CA10: variants seen among roughly 807,000 people sequenced by gnomAD.
The protein encoded by CA10 is carbonic anhydrase 10 (inactive).
In CA10, 14 loss-of-function variants were observed where a neutral mutation model predicts 44.2. That is an observed-to-expected ratio of 0.32 (90% CI 0.21 to 0.50). CA10 has a LOEUF of 0.50. Among genes scored for constraint, CA10 ranks in the 20% least tolerant of loss-of-function variants. The probability of loss-of-function intolerance (pLI) is 0.99; values close to 1 mark genes in which losing one functional copy is unlikely to be tolerated. For synonymous variants in CA10, 159 were observed against 141.6 expected (o/e 1.12, Z -0.87); for missense variants, 350 against 409.7 (o/e 0.85, Z 1.26).
chr17:51,802,565 G>GA (rs754344655), intron 3 of CA10, among the ~76,000 whole-genome samples: 7,771 of 90,364 alleles, frequency 0.086, 915 homozygotes, highest in African/African-American at 0.29. Flanking sequence ...CCTGATGTCT[G>GA]AAAAAAAAAA....
intron 4 of CA10, among the ~76,000 whole-genome samples, chr17:51,681,278 C>T (rs1914836495): frequency 1.3e-5 from 2 of 152,168 alleles, no homozygotes; most frequent in South Asian, 4.1e-4. Context: ...ATATTGGGGC[C>T]CTCAGGGGTG....
At chr17:52,053,399 G>C (rs1418839919) in intron 2 of CA10, among the ~76,000 whole-genome samples, 2 of 151,598 alleles carry the variant, frequency 1.3e-5, no homozygotes, top group African/African-American at 4.8e-5. Flanking sequence ...AACAAAGAAA[G>C]GTAACATAAA....
intron 3 of CA10, among the ~76,000 whole-genome samples, chr17:51,839,102 C>G (rs1978298318): frequency 6.6e-6 from 1 of 152,158 alleles, no homozygotes; most frequent in South Asian, 2.1e-4. Flanking sequence ...TGGTTTCCAT[C>G]CTTAGTCAAT....
At chr17:51,862,088 A>G (rs1043386530) in intron 3 of CA10, among the ~76,000 whole-genome samples, 3 of 152,202 alleles carry the variant, frequency 2.0e-5, no homozygotes, top group African/African-American at 7.2e-5. Flanking sequence ...TAATGCCATT[A>G]ATGTTTGCCT....
chr17:51,809,667 A>C (rs919017200), intron 3 of CA10, among the ~76,000 whole-genome samples: 2 of 152,156 alleles, frequency 1.3e-5, no homozygotes, highest in Non-Finnish European at 1.5e-5. Context: ...TTCCTGAACA[A>C]TGGAGGACCT....
At chr17:51,752,945 T>A (rs1904942796) in intron 3 of CA10, among the ~76,000 whole-genome samples, 1 of 151,584 alleles carries the variant, frequency 6.6e-6, no homozygotes, top group African/African-American at 2.4e-5. Context: ...ATAAATAAAA[T>A]AAAAAACAAG....
chr17:51,639,416 A>C (rs1912982408), intron 6 of CA10, among the ~76,000 whole-genome samples: 1 of 152,252 alleles, frequency 6.6e-6, no homozygotes, highest in Non-Finnish European at 1.5e-5. Context: ...TTTGTGCTGC[A>C]GCTATATTTG....
intron 3 of CA10, among the ~76,000 whole-genome samples, chr17:51,801,949 T>C (rs73354979): frequency 0.047 from 7,186 of 152,274 alleles, 418 homozygotes; most frequent in African/African-American, 0.14. Context: ...AGACCCCAAC[T>C]GAAGAAGCTT....
chr17:51,887,490 A>T (rs527766784), intron 3 of CA10, among the ~76,000 whole-genome samples: 1 of 152,308 alleles, frequency 6.6e-6, no homozygotes, highest in East Asian at 1.9e-4. Flanking sequence ...ACAGAGTTAT[A>T]TTATGGGAAC....
At chr17:52,135,040 CTGA>C in intron 1 of CA10, 1 of 498,402 alleles carries the variant, frequency 2.0e-6, no homozygotes, top group African/African-American at 1.9e-5. Context: ...GACTGCCCTC[CTGA>C]GGTCGCCTGT....
chr17:51,756,273 G>A (rs1354738710), intron 3 of CA10, among the ~76,000 whole-genome samples: 1 of 152,074 alleles, frequency 6.6e-6, no homozygotes, highest in Non-Finnish European at 1.5e-5. Context: ...GGTGAGGAAG[G>A]CATTATCCAT....
intron 3 of CA10, among the ~76,000 whole-genome samples, chr17:51,827,355 T>TAC (rs1012574001): frequency 1.4e-5 from 2 of 140,150 alleles, no homozygotes; most frequent in South Asian, 4.3e-4. Flanking sequence ...CACACACACA[T>TAC]ACACACACAC....
At chr17:52,039,096 G>A (rs1438986318) in intron 2 of CA10, among the ~76,000 whole-genome samples, 8 of 152,046 alleles carry the variant, frequency 5.3e-5, no homozygotes, top group Admixed American at 5.2e-4. Context: ...TAAGGGAAGT[G>A]TAGATTAATT....
intron 1 of CA10, among the ~76,000 whole-genome samples, chr17:52,075,629 A>C (rs953674601): frequency 3.9e-5 from 6 of 152,302 alleles, no homozygotes; most frequent in Admixed American, 3.9e-4. Context: ...AGAGCATAGC[A>C]TCTCTGTCCC....
intron 1 of CA10, among the ~76,000 whole-genome samples, chr17:52,105,046 A>T (rs372574596): frequency 6.6e-6 from 1 of 152,118 alleles, no homozygotes; most frequent in African/African-American, 2.4e-5. Context: ...TTCTGGTTCC[A>T]TTAGGCTGGG....
chr17:52,039,764 A>G (rs560122043), intron 2 of CA10, among the ~76,000 whole-genome samples: 3 of 152,300 alleles, frequency 2.0e-5, no homozygotes, highest in African/African-American at 7.2e-5. Flanking sequence ...GTTTGTCCAA[A>G]GAATAATGGG....
chr17:51,992,924 TA>T (rs1302191007), intron 2 of CA10, among the ~76,000 whole-genome samples: 1 of 152,170 alleles, frequency 6.6e-6, no homozygotes, highest in Non-Finnish European at 1.5e-5. Context: ...AACTTGTCTT[TA>T]AAAATTATTC....
At chr17:51,905,060 T>C (rs978152811) in intron 3 of CA10, among the ~76,000 whole-genome samples, 1 of 152,172 alleles carries the variant, frequency 6.6e-6, no homozygotes, top group Non-Finnish European at 1.5e-5. Context: ...TTGTAAGGCA[T>C]ACAAGAATTT....
intron 3 of CA10, among the ~76,000 whole-genome samples, chr17:51,877,371 A>G (rs908686329): frequency 2.0e-5 from 3 of 152,210 alleles, no homozygotes; most frequent in African/African-American, 7.2e-5. Flanking sequence ...ACTCATTGTG[A>G]GCATTTATGT....
Sources: gnomAD v4.1 joint callset for allele counts (sites outside exome capture counted in the v4.1 genomes callset) on GRCh38, gnomAD v4.1.1 for gene constraint, MANE v1.5 for transcripts, NCBI Gene and HGNC (gene_info 2026-07-23, HGNC 2026-07-21) for gene names.